ROBO1: variants seen among roughly 807,000 people sequenced by gnomAD.
ROBO1 encodes the protein roundabout homolog 1.
A neutral mutation model predicts 195.9 loss-of-function variants in ROBO1; 149 were observed. The observed-to-expected ratio is 0.76, with a 90% CI of 0.67 to 0.87. The LOEUF is 0.87. ROBO1 is among the 40% of genes least tolerant of loss of function. The probability of loss-of-function intolerance (pLI) is 0.00; values close to 1 mark genes in which losing one functional copy is unlikely to be tolerated. For synonymous variants in ROBO1, 816 were observed against 733.2 expected (o/e 1.11, Z -1.82); for missense variants, 1,933 against 2,068.3 (o/e 0.93, Z 1.27).
At chr3:79,537,386 T>C (rs1941913580) in intron 2 of ROBO1, among the ~76,000 whole-genome samples, 3 of 152,106 alleles carry the variant, frequency 2.0e-5, no homozygotes, top group Non-Finnish European at 4.4e-5. Flanking sequence ...TGGAGCTCAG[T>C]CTTGCTGGGG....
At chr3:78,714,568 T>G in intron 7 of ROBO1, 44 bp from the exon 8 acceptor site, 1 of 1,568,378 alleles carries the variant, frequency 6.4e-7, no homozygotes, top group Admixed American at 1.8e-5. Context: ...GACTTTCTAC[T>G]TGAAAGATCT....
intron 4 of ROBO1, among the ~76,000 whole-genome samples, chr3:78,897,800 T>C (rs1193947393): frequency 1.3e-5 from 2 of 152,084 alleles, no homozygotes; most frequent in Non-Finnish European, 2.9e-5. Context: ...AACTAAAAAG[T>C]AGTCTACTGC....
rs375760365 is a variant in ROBO1, at chr3:79,549,702, C to T, written c.88+40122G>A. Among the ~76,000 whole-genome samples the T allele has an allele frequency of 1.8e-4, 28 of 152,280 alleles. 1 individual carries two copies. In the East Asian group the frequency reaches 4.2e-3, roughly 23 times the overall value. ...TTTCTATCAAGAACTTGAGCATCCA[C>T]AGATCTTGGTATCCAAAGGACATCC... On this transcript the variant is annotated intron_variant, in intron 2 of 30. Coordinates refer to ENST00000464233, the MANE Select transcript of ROBO1 (RefSeq NM_002941.4).
chr3:79,658,903 AT>A (rs757597549), intron 1 of ROBO1, among the ~76,000 whole-genome samples: 1 of 151,750 alleles, frequency 6.6e-6, no homozygotes, highest in Non-Finnish European at 1.5e-5. Flanking sequence ...TGTCCGGCTA[AT>A]TTTTGTATTT....
intron 2 of ROBO1, among the ~76,000 whole-genome samples, chr3:79,555,260 C>T (rs954052748): frequency 1.3e-5 from 2 of 152,128 alleles, no homozygotes; most frequent in African/African-American, 4.8e-5. Context: ...GCTTGCTGCG[C>T]TCCTAATCTT....
chr3:78,986,665 A>G lies in ROBO1; in HGVS notation c.173-47738T>C, dbSNP rs200774027. Among the ~76,000 whole-genome samples the G allele has an allele frequency of 3.3e-5, 5 of 152,288 alleles. No homozygotes were observed. The East Asian group carries it at 9.7e-4, about 29-fold the overall frequency. On this transcript the variant is annotated intron_variant, in intron 3 of 30. Transcript: ENST00000464233. Reference sequence around the variant, plus strand: ...TTTAATGGAGTGTCCTCTAAATGGCACATCAGAGAAAACATTTTGATCTGA... The same window carrying G: ...TTTAATGGAGTGTCCTCTAAATGGCGCATCAGAGAAAACATTTTGATCTGA...
intron 2 of ROBO1, among the ~76,000 whole-genome samples, chr3:79,483,712 A>G (rs572052296): frequency 4.9e-4 from 75 of 152,148 alleles, no homozygotes; most frequent in Non-Finnish European, 9.7e-4. Flanking sequence ...TGATATTATG[A>G]AGAATCTTAT....
chr3:79,116,261 C>CCCTT (rs1197582747), intron 3 of ROBO1, among the ~76,000 whole-genome samples: 25 of 151,186 alleles, frequency 1.7e-4, no homozygotes, highest in Non-Finnish European at 3.0e-5. Flanking sequence ...CTCTTTCTTT[C>CCCTT]CCTTCCTTCC....
chr3:79,119,129 A>G (rs2080068393), intron 3 of ROBO1, among the ~76,000 whole-genome samples: 1 of 152,152 alleles, frequency 6.6e-6, no homozygotes, highest in African/African-American at 2.4e-5. Context: ...TGCTAATGAG[A>G]AACTTTAGTG....
intron 2 of ROBO1, among the ~76,000 whole-genome samples, chr3:79,412,143 A>G (rs1050404300): frequency 1.3e-5 from 2 of 152,168 alleles, no homozygotes; most frequent in Non-Finnish European, 2.9e-5. Context: ...AAATGCAAAG[A>G]TGCTGTTTTT....
chr3:78,714,060 T>C (rs1030872010), intron 8 of ROBO1, among the ~76,000 whole-genome samples: 3 of 152,226 alleles, frequency 2.0e-5, no homozygotes, highest in African/African-American at 7.2e-5. Flanking sequence ...GCAATAGCTG[T>C]CATTTAATTA....
chr3:79,222,844 AAAAC>A (rs144882644), intron 2 of ROBO1, among the ~76,000 whole-genome samples: 2 of 152,062 alleles, frequency 1.3e-5, no homozygotes, highest in Admixed American at 6.6e-5. Flanking sequence ...TGTCCAACAC[AAAAC>A]AAACAAACAA....
chr3:78,694,096 A>G (rs914820932), intron 8 of ROBO1, among the ~76,000 whole-genome samples: 4 of 152,212 alleles, frequency 2.6e-5, no homozygotes, highest in African/African-American at 7.2e-5. Context: ...AGAAAACTTT[A>G]TAATCTTATC....
chr3:79,460,333 A>G (rs990883837), intron 2 of ROBO1, among the ~76,000 whole-genome samples: 1 of 152,210 alleles, frequency 6.6e-6, no homozygotes, highest in African/African-American at 2.4e-5. Flanking sequence ...ATGTGGCCCA[A>G]TTTACAAAAT....
intron 1 of ROBO1, among the ~76,000 whole-genome samples, chr3:79,676,503 G>A (rs1392559962): frequency 6.6e-6 from 1 of 151,974 alleles, no homozygotes; most frequent in Non-Finnish European, 1.5e-5. Flanking sequence ...CACTCGGGTT[G>A]TGGTATAATT....
chr3:78,754,837 G>A (rs1442534798), intron 4 of ROBO1, among the ~76,000 whole-genome samples: 3 of 152,142 alleles, frequency 2.0e-5, no homozygotes, highest in African/African-American at 7.2e-5. Flanking sequence ...GAATAGTAAG[G>A]AAGTAACAGT....
At chr3:78,646,425 T>A (rs534863014) in intron 20 of ROBO1, among the ~76,000 whole-genome samples, 1 of 150,688 alleles carries the variant, frequency 6.6e-6, no homozygotes, top group African/African-American at 2.4e-5. Context: ...GATATCTATA[T>A]ATCACTCTTA....
At chr3:78,640,894 A>T (rs972125207) in intron 21 of ROBO1, among the ~76,000 whole-genome samples, 2 of 152,184 alleles carry the variant, frequency 1.3e-5, no homozygotes, top group African/African-American at 4.8e-5. Flanking sequence ...TTACCTGGGA[A>T]GCAAGAAATC....
intron 1 of ROBO1, among the ~76,000 whole-genome samples, chr3:79,649,143 T>A (rs1945923556): frequency 6.6e-6 from 1 of 152,074 alleles, no homozygotes; most frequent in Non-Finnish European, 1.5e-5. Context: ...CCCTAGTATT[T>A]TTTTAAAGCC....
Sources: allele counts gnomAD v4.1 joint callset (sites outside exome capture counted in the v4.1 genomes callset), GRCh38; gene constraint gnomAD v4.1.1; transcripts MANE v1.5; gene names NCBI Gene and HGNC (gene_info 2026-07-23, HGNC 2026-07-21).